SLC25A24: variants seen among roughly 807,000 people sequenced by gnomAD.
SLC25A24 encodes mitochondrial adenyl nucleotide antiporter SLC25A24.
Under a neutral mutation model 60.7 loss-of-function variants are expected in SLC25A24, and 49 were observed. That is an observed-to-expected ratio of 0.81 (90% confidence interval 0.64 to 1.02). The LOEUF is 1.02. Ranked by LOEUF, SLC25A24 falls within the 50% of genes least tolerant of loss-of-function variation. The pLI, the probability that SLC25A24 is intolerant of heterozygous loss-of-function variation, is 0.00. For synonymous variants in SLC25A24, 202 were observed against 200.6 expected, an observed-to-expected ratio of 1.01 and a Z score of -0.06; for missense variants, 564 against 586.3, an observed-to-expected ratio of 0.96 and a Z score of 0.39.
At chr1:108,138,279 A>G (rs1679343179) in intron 9 of SLC25A24, among the ~76,000 whole-genome samples, 2 of 152,164 alleles carry the variant, frequency 1.3e-5, no homozygotes, top group South Asian at 4.1e-4. Flanking sequence ...AGTATTTGCC[A>G]ATTAGTTACT....
chr1:108,146,493 C>T (rs749799681), intron 7 of SLC25A24, among the ~76,000 whole-genome samples: 13 of 152,086 alleles, frequency 8.5e-5, no homozygotes, highest in Non-Finnish European at 1.8e-4. Flanking sequence ...TGTCTTGTGC[C>T]GGTTTTCAAA....
Position 108,155,115 on chromosome 1 carries a change from G to C in SLC25A24, c.690C>G (p.Asp230Glu). The change falls in exon 6 of 10, where the codon GAC (aspartate) becomes GAG (glutamate). Residue 230 changes from aspartate (D) to glutamate (E), a missense_variant. Coordinates refer to ENST00000565488, the MANE Select transcript of SLC25A24 (RefSeq NM_013386.5). ...IMMQVHGSKSDKMNIFGGFRQ... is the reference protein window; with the variant it reads ...IMMQVHGSKSEKMNIFGGFRQ... ...GAAAGCCACCAAATATGTTCATTTT[G>C]TCTGATTTTGAACCGTGAACCTAAA... 6.2e-7 allele frequency: 1 copy of C among 1,609,902 alleles called. No individual in the cohort carries two copies. Among genetic ancestry groups the C allele is most frequent in the Non-Finnish European group, 8.5e-7 (1 of 1,178,084 alleles).
intron 3 of SLC25A24, 122 bp from the exon 4 acceptor site, chr1:108,161,415 C>A (rs1680080181): frequency 3.1e-6 from 2 of 635,028 alleles, no homozygotes; most frequent in East Asian, 3.0e-5. Flanking sequence ...AATTAAAAAA[C>A]CCCATCCACA....
At chr1:108,161,322 C>A in intron 3 of SLC25A24, 29 bp from the exon 4 acceptor site, 1 of 1,135,408 alleles carries the variant, frequency 8.8e-7, no homozygotes, top group Non-Finnish European at 1.3e-6. Flanking sequence ...GATCAAAGTA[C>A]AAAACTAAAT....
chr1:108,161,061 G>T (rs1021349993), intron 4 of SLC25A24, 121 bp downstream of exon 4: 7 of 594,276 alleles, frequency 1.2e-5, no homozygotes, highest in Non-Finnish European at 1.8e-5. Flanking sequence ...GAACTCTACA[G>T]GTTAAGGAGC....
intron 3 of SLC25A24, among the ~76,000 whole-genome samples, chr1:108,173,833 T>C (rs888459535): frequency 5.3e-5 from 8 of 152,210 alleles, no homozygotes; most frequent in Non-Finnish European, 1.5e-5. Context: ...GATGAGGAAC[T>C]TGTTGGGAAC....
chr1:108,144,118 A>G (rs959309436), intron 7 of SLC25A24, among the ~76,000 whole-genome samples: 1 of 152,134 alleles, frequency 6.6e-6, no homozygotes, highest in African/African-American at 2.4e-5. Flanking sequence ...AGGATATGAG[A>G]GGAAAAATAG....
chr1:108,144,478 C>T (rs866295040), intron 7 of SLC25A24, among the ~76,000 whole-genome samples: 20 of 152,242 alleles, frequency 1.3e-4, no homozygotes, highest in African/African-American at 4.8e-4. Context: ...ATGTGCAGAA[C>T]GTGCAGGTTT....
At chr1:108,158,077 C>T (rs935441450) in intron 4 of SLC25A24, among the ~76,000 whole-genome samples, 1 of 152,026 alleles carries the variant, frequency 6.6e-6, no homozygotes, top group Non-Finnish European at 1.5e-5. Context: ...CATATTTATA[C>T]CATGATATGT....
rs1648627117 is a variant in SLC25A24, at chr1:108,200,282, C to CG, written c.-145dup. ...GGCGCCGTCGGGGTTGCGGCTGCGG[C>CG]GCGCAGGGCGCAGGGCGCAGGAGCG... On this transcript the variant is annotated 5_prime_UTR_variant, in exon 1 of 10. Transcript: ENST00000565488. The CG allele has an allele frequency of 1.6e-6, 1 of 638,130 alleles. No homozygotes were observed. The highest frequency in any genetic ancestry group is 2.3e-6 in the Non-Finnish European group (1 of 440,084). The allele number at this position is 638,130 out of a possible 1,614,324, so 39.5% of individuals were successfully genotyped here. A position where few individuals can be genotyped will look rare whatever the true frequency, so the allele number is the denominator to read the frequency against.
At chr1:108,179,071 C>G (rs1647816224) in intron 3 of SLC25A24, among the ~76,000 whole-genome samples, 1 of 140,020 alleles carries the variant, frequency 7.1e-6, no homozygotes, top group Non-Finnish European at 1.5e-5. Flanking sequence ...AATAAACAAC[C>G]AAAAAACCCC....
chr1:108,165,277 G>C (rs1055891610), intron 3 of SLC25A24, among the ~76,000 whole-genome samples: 5 of 152,176 alleles, frequency 3.3e-5, no homozygotes, highest in Non-Finnish European at 1.5e-5. Context: ...CTGTTGATTT[G>C]GGGTGCAGAG....
At chr1:108,165,369 G>C (rs1007131879) in intron 3 of SLC25A24, among the ~76,000 whole-genome samples, 6 of 152,082 alleles carry the variant, frequency 3.9e-5, no homozygotes, top group Non-Finnish European at 8.8e-5. Context: ...TGTCTCATTG[G>C]TCTGTCTAAT....
rs12044007 is a variant in SLC25A24 at position 108,152,507 on chromosome 1, C to T, written c.822+2476G>A. ...TCAGCATCCTGAGTACAGGCACACA[C>T]CCCCACGCCCAACTAATTTTTATAT... On this transcript the variant is annotated intron_variant, in intron 6 of 9. Coordinates refer to ENST00000565488, the MANE Select transcript of SLC25A24 (RefSeq NM_013386.5). 3.0e-4 allele frequency among the ~76,000 whole-genome samples: 46 copies of T among 152,266 alleles called. No individual in the cohort carries two copies. In the East Asian group the frequency reaches 8.3e-3, roughly 28 times the overall value.
At chr1:108,161,858 A>G (rs909637775) in intron 3 of SLC25A24, among the ~76,000 whole-genome samples, 14 of 151,992 alleles carry the variant, frequency 9.2e-5, no homozygotes, top group African/African-American at 3.4e-4. Context: ...CAGGTTAGTT[A>G]CATATGTATA....
intron 3 of SLC25A24, among the ~76,000 whole-genome samples, chr1:108,177,256 G>A (rs1374593145): frequency 2.0e-5 from 3 of 151,486 alleles, no homozygotes; most frequent in Admixed American, 6.6e-5. Flanking sequence ...AAACCAATAG[G>A]AGATACACAA....
At chr1:108,148,885 A>C (rs1679680372) in intron 6 of SLC25A24, among the ~76,000 whole-genome samples, 1 of 152,198 alleles carries the variant, frequency 6.6e-6, no homozygotes, top group South Asian at 2.1e-4. Flanking sequence ...ACACTACATT[A>C]ATAATACATA....
chr1:108,189,009 G>C (rs74758974), intron 1 of SLC25A24, among the ~76,000 whole-genome samples: 191 of 152,332 alleles, frequency 1.3e-3, no homozygotes, highest in African/African-American at 4.5e-3. Context: ...CAAGTGGAGA[G>C]ATTTTCAGTG....
chr1:108,181,443 C>CA (rs1647928684), intron 3 of SLC25A24, among the ~76,000 whole-genome samples: 1 of 152,192 alleles, frequency 6.6e-6, no homozygotes, highest in Non-Finnish European at 1.5e-5. Flanking sequence ...CTTAAATAGT[C>CA]AAACTGATTG....
Sources: gnomAD v4.1 joint callset for allele counts (sites outside exome capture counted in the v4.1 genomes callset) on GRCh38, gnomAD v4.1.1 for gene constraint, MANE v1.5 for transcripts, NCBI Gene and HGNC (gene_info 2026-07-23, HGNC 2026-07-21) for gene names.